HECW1: variants seen among roughly 807,000 people sequenced by gnomAD.
HECW1 encodes the protein E3 ubiquitin-protein ligase HECW1.
HECW1 carries 61 observed loss-of-function variants against 182.3 expected under a neutral mutation model. The observed-to-expected ratio is 0.33, with a 90% CI of 0.27 to 0.41. The LOEUF is 0.41. HECW1 is among the 10% of genes least tolerant of loss of function. The pLI, the probability that HECW1 is intolerant of heterozygous loss-of-function variation, is 1.00. For synonymous variants in HECW1, 859 were observed against 832.6 expected (o/e 1.03, Z -0.55); for missense variants, 1,739 against 2,108.9 (o/e 0.82, Z 3.44).
At chr7:43,331,911 G>T (rs1456137263) in intron 5 of HECW1, among the ~76,000 whole-genome samples, 1 of 152,150 alleles carries the variant, frequency 6.6e-6, no homozygotes. Context: ...CAGTTTGATG[G>T]ATTGAAGGCC....
At chr7:43,466,661 A>AT in intron 15 of HECW1, 93 bp downstream of exon 15, 1 of 1,372,744 alleles carries the variant, frequency 7.3e-7, no homozygotes, top group Non-Finnish European at 9.8e-7. Flanking sequence ...AAAGGGTAGA[A>AT]TTTTAACATA....
chr7:43,517,229 C>T (rs995736373), intron 24 of HECW1, among the ~76,000 whole-genome samples: 5 of 152,126 alleles, frequency 3.3e-5, no homozygotes, highest in Admixed American at 2.6e-4. Flanking sequence ...GTGGTGGTGA[C>T]GAATCTAACC....
At chr7:43,330,991 T>A (rs969356576) in intron 5 of HECW1, among the ~76,000 whole-genome samples, 2 of 151,086 alleles carry the variant, frequency 1.3e-5, no homozygotes, top group Non-Finnish European at 2.9e-5. Context: ...TTATTTATTT[T>A]ATTTTTTTAT....
chr7:43,214,400 A>G (rs926843018), intron 2 of HECW1, among the ~76,000 whole-genome samples: 2 of 152,238 alleles, frequency 1.3e-5, no homozygotes, highest in Non-Finnish European at 2.9e-5. Context: ...GAAATAATAC[A>G]TTCAAATATA....
At chr7:43,431,169 T>C (rs1400477622) in intron 8 of HECW1, among the ~76,000 whole-genome samples, 2 of 152,184 alleles carry the variant, frequency 1.3e-5, no homozygotes, top group Non-Finnish European at 1.5e-5. Context: ...CACTCCAATC[T>C]CTTTGACCTT....
chr7:43,220,805 G>T (rs1417872374), intron 2 of HECW1, among the ~76,000 whole-genome samples: 2 of 152,308 alleles, frequency 1.3e-5, no homozygotes, highest in South Asian at 2.1e-4. Flanking sequence ...CCCATGGCCT[G>T]CCCTGGAACA....
At chr7:43,205,731 T>G (rs1795413250) in intron 2 of HECW1, among the ~76,000 whole-genome samples, 1 of 152,192 alleles carries the variant, frequency 6.6e-6, no homozygotes. Context: ...TAGGTTCTCC[T>G]CAGTTTCATC....
At position 43,469,056 on chromosome 7, in the gene HECW1, G is replaced by A. The variant is rs761103115; in HGVS notation, c.3050G>A (p.Arg1017Gln). Residue 1017 changes from arginine (R) to glutamine (Q), a missense_variant, in exon 16 of 30, where the codon CGG (arginine) becomes CAG (glutamine). By Grantham distance (43) the Arg-to-Gln change is conservative. Transcript: ENST00000395891. ...TTCATCAACATGTTCGCAGACACTC[G>A]GCTGGAACTGCCCCGGGGCTGGGAG... ...VNFINMFADT[R>Q]LELPRGWEIK... 2.6e-5 allele frequency: 42 copies of A among 1,614,024 alleles called. No homozygotes were observed. The highest frequency in any genetic ancestry group is 2.2e-4 in the East Asian group (10 of 44,890).
At chr7:43,340,919 T>A (rs901302886) in intron 5 of HECW1, among the ~76,000 whole-genome samples, 1 of 151,750 alleles carries the variant, frequency 6.6e-6, no homozygotes, top group Non-Finnish European at 1.5e-5. Flanking sequence ...CAAATGTCCA[T>A]CAATGATAGA....
intron 26 of HECW1, among the ~76,000 whole-genome samples, chr7:43,545,708 G>C (rs1180322373): frequency 6.6e-6 from 1 of 152,064 alleles, no homozygotes; most frequent in Admixed American, 6.6e-5. Context: ...TCATAAGGAA[G>C]AGAAAATATA....
intron 3 of HECW1, among the ~76,000 whole-genome samples, chr7:43,297,606 T>G (rs1023845484): frequency 2.6e-5 from 4 of 152,204 alleles, no homozygotes; most frequent in Non-Finnish European, 5.9e-5. Flanking sequence ...CCGCTGCTCC[T>G]GTAATCGAGA....
chr7:43,171,277 G>T (rs1791664180), intron 2 of HECW1, among the ~76,000 whole-genome samples: 1 of 152,142 alleles, frequency 6.6e-6, no homozygotes, highest in Non-Finnish European at 1.5e-5. Context: ...ACTGTCCAAA[G>T]TTACTGGTGA....
intron 24 of HECW1, among the ~76,000 whole-genome samples, chr7:43,533,696 C>T (rs2081074821): frequency 6.6e-6 from 1 of 152,174 alleles, no homozygotes; most frequent in South Asian, 2.1e-4. Flanking sequence ...GCCACATGTT[C>T]CTGCATCTGC....
chr7:43,542,939 C>A (rs115049421), intron 26 of HECW1, among the ~76,000 whole-genome samples: 1 of 152,126 alleles, frequency 6.6e-6, no homozygotes, highest in Non-Finnish European at 1.5e-5. Context: ...GTCATACATA[C>A]GTCAGGGATT....
chr7:43,184,381 G>C (rs1472294825), intron 2 of HECW1, among the ~76,000 whole-genome samples: 1 of 152,162 alleles, frequency 6.6e-6, no homozygotes, highest in Non-Finnish European at 1.5e-5. Context: ...CACTGAGTTG[G>C]GCAGAGATGC....
rs112472385 is a variant in HECW1, at chr7:43,258,350, T to C, written c.27+14418T>C. On this transcript the variant is annotated intron_variant, in intron 3 of 29. Coordinates refer to ENST00000395891, the MANE Select transcript of HECW1 (RefSeq NM_015052.5). The stretch of plus-strand genomic sequence containing the variant: ...AGAGTGAGACTCCATCTCAAAAAAA[T>C]AAAAAATAAAAAAAATAAAAAAATA... 9.2e-3 allele frequency among the ~76,000 whole-genome samples: 1,157 copies of C among 126,412 alleles called. 14 individuals carry two copies. The highest frequency in any genetic ancestry group is 0.038 in the African/African-American group (1,107 of 28,990). 82.9% of individuals were successfully genotyped at this position (126,412 alleles called of 152,430 possible).
chr7:43,311,648 C>A (rs1355621133), intron 3 of HECW1, 115 bp from the exon 4 acceptor site: 1 of 924,970 alleles, frequency 1.1e-6, no homozygotes, highest in Admixed American at 1.7e-5. Context: ...ATCTGCCCAG[C>A]AGGGCAGCTC....
chr7:43,441,837 G>A (rs551892605), intron 9 of HECW1, among the ~76,000 whole-genome samples: 1 of 152,152 alleles, frequency 6.6e-6, no homozygotes, highest in African/African-American at 2.4e-5. Flanking sequence ...AATGTAAAAA[G>A]CTCACAACCA....
intron 2 of HECW1, among the ~76,000 whole-genome samples, chr7:43,158,636 G>T (rs1461841670): frequency 2.0e-5 from 3 of 152,098 alleles, no homozygotes; most frequent in African/African-American, 7.2e-5. Flanking sequence ...ATGAGGGCAT[G>T]TGCCACACAT....
Sources: gnomAD v4.1 joint callset for allele counts (sites outside exome capture counted in the v4.1 genomes callset) on GRCh38, gnomAD v4.1.1 for gene constraint, MANE v1.5 for transcripts, NCBI Gene and HGNC (gene_info 2026-07-23, HGNC 2026-07-21) for gene names.